The following RCBTB1 variants were observed in gnomAD, a reference collection of about 807,000 sequenced individuals.
The protein encoded by RCBTB1 is RCC1 and BTB domain-containing protein 1.
A neutral mutation model predicts 62.4 loss-of-function variants in RCBTB1; 46 were observed. That is an observed-to-expected ratio of 0.74 (90% confidence interval 0.58 to 0.94). RCBTB1 has a LOEUF of 0.94. RCBTB1 is among the 40% of genes least tolerant of loss of function. RCBTB1 has a pLI of 0.00. For synonymous variants in RCBTB1, 222 were observed against 245.8 expected (o/e 0.90, Z 0.91); for missense variants, 565 against 654.9 (o/e 0.86, Z 1.50).
At chr13:49,540,724 A>G in intron 12 of RCBTB1, 152 bp downstream of exon 12, 1 of 753,282 alleles carries the variant, frequency 1.3e-6, no homozygotes, top group Non-Finnish European at 2.0e-6. Flanking sequence ...GGAATTAAGA[A>G]GCAAGGGCAG....
chr13:49,546,392 C>T (rs1960790214), intron 9 of RCBTB1: 1 of 983,036 alleles, frequency 1.0e-6, no homozygotes, highest in South Asian at 4.7e-5. Context: ...GGACAGCAGT[C>T]CCCAACCTTT....
At chr13:49,562,496 G>T (rs1351597696) in intron 4 of RCBTB1, among the ~76,000 whole-genome samples, 1 of 131,106 alleles carries the variant, frequency 7.6e-6, no homozygotes, top group African/African-American at 3.0e-5. Context: ...CTCTAGCCTG[G>T]ACAGAGAGAC....
At chr13:49,547,062 C>T in intron 9 of RCBTB1, 1 of 1,260,424 alleles carries the variant, frequency 7.9e-7, no homozygotes, top group Non-Finnish European at 1.0e-6. Context: ...GTAGTATATA[C>T]AAATCTGAAG....
Position 49,551,463 on chromosome 13 carries a change from G to A in RCBTB1, c.717C>T (p.Val239=). 6.2e-7 allele frequency: 1 copy of A among 1,613,942 alleles called. No homozygotes were observed. ...ALHSVCVNQI[V]CGYAHTLALT... The stretch of plus-strand genomic sequence containing the variant: ...GTGCTAGAGTATGTGCGTAACCGCA[G>A]ACAATCTGCAAGTAAATTGAAACGG... The change falls in exon 8 of 13, where the codon GTC becomes GTT. Residue 239 remains valine (V), a synonymous_variant. Coordinates refer to ENST00000378302, the MANE Select transcript of RCBTB1 (RefSeq NM_018191.4).
At chr13:49,537,435 GA>G (rs1175378880) in intron 12 of RCBTB1, among the ~76,000 whole-genome samples, 4 of 152,060 alleles carry the variant, frequency 2.6e-5, no homozygotes, top group Non-Finnish European at 5.9e-5. Context: ...ACCAAAAGAA[GA>G]AAAAAACGCT....
At chr13:49,536,549 A>G (rs1372972696) in intron 12 of RCBTB1, among the ~76,000 whole-genome samples, 2 of 152,198 alleles carry the variant, frequency 1.3e-5, no homozygotes, top group African/African-American at 4.8e-5. Flanking sequence ...TGAGAAGTCA[A>G]CTATAACAGG....
At chr13:49,568,559 A>G (rs967214042) in intron 2 of RCBTB1, among the ~76,000 whole-genome samples, 2 of 151,890 alleles carry the variant, frequency 1.3e-5, no homozygotes, top group Admixed American at 1.3e-4. Context: ...CTTCCCACAC[A>G]GCGTACTCTC....
chr13:49,576,920 G>C lies in RCBTB1; in HGVS notation c.-42+3585C>G, dbSNP rs1253590569. On this transcript the variant is annotated intron_variant, in intron 2 of 12. Coordinates refer to ENST00000378302, the MANE Select transcript of RCBTB1 (RefSeq NM_018191.4). ...GAACGCAAAAATGCAAGCAGAGGTA[G>C]AAAGAGTGTAACGTCCTTAAAGATA... 2.0e-5 allele frequency among the ~76,000 whole-genome samples: 3 copies of C among 152,118 alleles called. No individual in the cohort carries two copies. The East Asian group carries it at 5.8e-4, about 29-fold the overall frequency.
Position 49,567,196 on chromosome 13 carries a change from G to A in RCBTB1, c.84C>T (p.Gly28=). Residue 28 remains glycine (G), a synonymous_variant, in exon 3 of 13, where the codon GGC becomes GGT. Coordinates refer to ENST00000378302, the MANE Select transcript of RCBTB1 (RefSeq NM_018191.4). ...CGTACAGTGCTTCACTGGCTGAGGT[G>A]CCGAAGACACACGCCTTCCGAATAG... is the stretch of plus-strand genomic sequence containing the variant. ...IASIRKACVF[G]TSASEALYVT... is the part of the protein sequence containing the mutation. 1 of 1,613,820 alleles carries A rather than the reference G, an allele frequency of 6.2e-7. No homozygotes were observed. The highest frequency in any genetic ancestry group is 8.5e-7 in the Non-Finnish European group (1 of 1,179,752).
chr13:49,555,184 T>G (rs1413268986), intron 6 of RCBTB1, among the ~76,000 whole-genome samples: 1 of 152,258 alleles, frequency 6.6e-6, no homozygotes, highest in Non-Finnish European at 1.5e-5. Context: ...TGACATTGTT[T>G]CATTGGAAGA....
intron 6 of RCBTB1, 152 bp downstream of exon 6, chr13:49,555,363 C>G: frequency 1.5e-6 from 1 of 660,080 alleles, no homozygotes; most frequent in Non-Finnish European, 2.6e-6. Flanking sequence ...CAAAAAACCT[C>G]CAGCTCCTCA....
chr13:49,538,386 T>C (rs1393697559), intron 12 of RCBTB1, among the ~76,000 whole-genome samples: 1 of 152,162 alleles, frequency 6.6e-6, no homozygotes, highest in Admixed American at 6.5e-5. Context: ...ATTAGTCAAT[T>C]ACGTAACTTG....
At chr13:49,573,056 C>A (rs909192951) in intron 2 of RCBTB1, among the ~76,000 whole-genome samples, 2 of 152,092 alleles carry the variant, frequency 1.3e-5, no homozygotes, top group African/African-American at 4.8e-5. Flanking sequence ...AAGCACCCCC[C>A]AAGGAAGCAT....
intron 1 of RCBTB1, among the ~76,000 whole-genome samples, chr13:49,582,481 C>A (rs1271662669): frequency 6.6e-6 from 1 of 151,918 alleles, no homozygotes; most frequent in Non-Finnish European, 1.5e-5. Flanking sequence ...AAGCAAAATT[C>A]TGTCTCTAAA....
At chr13:49,580,172 GA>G (rs1964017125) in intron 2 of RCBTB1, among the ~76,000 whole-genome samples, 1 of 152,154 alleles carries the variant, frequency 6.6e-6, no homozygotes, top group East Asian at 1.9e-4. Flanking sequence ...AAGGAAACCA[GA>G]AAAGAAATAT....
intron 12 of RCBTB1, among the ~76,000 whole-genome samples, chr13:49,537,640 C>T (rs1323570104): frequency 6.6e-6 from 1 of 152,198 alleles, no homozygotes; most frequent in African/African-American, 2.4e-5. Context: ...TTTCTCTTAA[C>T]GTTCAAATAC....
At chr13:49,550,818 G>C (rs1961262549) in intron 8 of RCBTB1, among the ~76,000 whole-genome samples, 1 of 152,126 alleles carries the variant, frequency 6.6e-6, no homozygotes, top group Non-Finnish European at 1.5e-5. Flanking sequence ...CTTTTGCATA[G>C]GCCAGGCACG....
At chr13:49,550,422 G>C in intron 8 of RCBTB1, 1 of 984,220 alleles carries the variant, frequency 1.0e-6, no homozygotes, top group Non-Finnish European at 1.2e-6. Context: ...ATATTTCTCA[G>C]TAGTATGCTT....
chr13:49,559,473 G>A (rs7337971), intron 5 of RCBTB1, among the ~76,000 whole-genome samples: 29,417 of 151,772 alleles, frequency 0.19, 3,623 homozygotes, highest in African/African-American at 0.35. Flanking sequence ...TGGCTAACAC[G>A]GTGAAACCCT....
Sources: allele counts gnomAD v4.1 joint callset (sites outside exome capture counted in the v4.1 genomes callset), GRCh38; gene constraint gnomAD v4.1.1; transcripts MANE v1.5; gene names NCBI Gene and HGNC (gene_info 2026-07-23, HGNC 2026-07-21).